Variants in ZNF33B observed in about 807,000 individuals in gnomAD.
ZNF33B encodes zinc finger protein 11b (KOX 2).
Under a neutral mutation model 45.8 loss-of-function variants are expected in ZNF33B, and 29 were observed. The ratio of observed to expected loss-of-function variants is 0.63; its 90% CI spans 0.47 to 0.86. The LOEUF is 0.86. ZNF33B is among the 40% of genes least tolerant of loss of function. The pLI is 0.00. For missense variants in ZNF33B, 831 were observed against 909.9 expected (o/e 0.91, Z 1.12); for synonymous variants, 305 against 307.8 (o/e 0.99, Z 0.10).
chr10:42,576,224 G>C lies in ZNF33B; in HGVS notation c.74-1546C>G, dbSNP rs767925404. Among the ~76,000 whole-genome samples, 87 of 151,158 alleles carry C rather than the reference G, an allele frequency of 5.8e-4. 1 individual carries two copies. Among genetic ancestry groups the C allele is most frequent in the East Asian group, 1.3e-3 (6 of 4,772 alleles). ...GGGTGGTCTCGAACTCCTGAGCTCA[G>C]GCGATCTGCCCGCCTCAGCCTCCCA... On this transcript the variant is annotated intron_variant, in intron 1 of 1. Coordinates refer to the ZNF33B transcript ENST00000462075.
chr10:42,587,911 C>T (rs1378708232), downstream of ZNF33B, among the ~76,000 whole-genome samples: 1 of 152,210 alleles, frequency 6.6e-6, no homozygotes, highest in African/African-American at 2.4e-5. Flanking sequence ...AGGCGCAGCA[C>T]AGGGTGCAGG....
Position 42,593,914 on chromosome 10 carries a change from G to A in ZNF33B, c.1036C>T (p.Arg346Ter), listed in dbSNP as rs768301433. ...KAFWEKSHLT[R>*]HQRVHTGEKH... ...TCTCCTGTGTGCACCCTCTGATGTCGAGTGAGATGTGACTTCTCCCAGAAA... is the reference window on the plus strand; with the variant it reads ...TCTCCTGTGTGCACCCTCTGATGTCAAGTGAGATGTGACTTCTCCCAGAAA... Residue 346 changes from arginine (R) to a stop codon, truncating the protein, a stop_gained, in exon 5 of 5, where the codon CGA (arginine) becomes TGA (stop). Coordinates refer to ENST00000359467, the MANE Select transcript of ZNF33B (RefSeq NM_006955.3). LOFTEE classifies it low-confidence loss of function (END_TRUNC). The A allele has an allele frequency of 3.7e-6, 6 of 1,613,736 alleles. No homozygotes were observed. The highest frequency in any genetic ancestry group is 1.1e-5 in the South Asian group (1 of 91,080).
At chr10:42,617,418 G>A (rs504191) in intron 4 of ZNF33B, among the ~76,000 whole-genome samples, 62,904 of 151,862 alleles carry the variant, frequency 0.41, 17,091 homozygotes, top group African/African-American at 0.78. Context: ...GGCAATTCTT[G>A]AATTGACATG....
Position 42,593,387 on chromosome 10 carries a change from C to A in ZNF33B, c.1563G>T (p.Gly521=), listed in dbSNP as rs1315379366. 1 of 1,613,706 alleles carries A rather than the reference C, an allele frequency of 6.2e-7. No individual in the cohort carries two copies. Residue 521 remains glycine (G), a synonymous_variant, in exon 5 of 5, where the codon GGG becomes GGT. Coordinates refer to ENST00000359467, the MANE Select transcript of ZNF33B (RefSeq NM_006955.3). ...ATTCATAACATTCATAAGGTTTCAACCCTGTATGAATTATCTGATGCCTGG... is the reference window on the plus strand; with the variant it reads ...ATTCATAACATTCATAAGGTTTCAAACCTGTATGAATTATCTGATGCCTGG... ...VLTRHQIIHT[G]LKPYECYECG...
chr10:42,604,693 A>T (rs147071797), intron 4 of ZNF33B, among the ~76,000 whole-genome samples: 6,161 of 152,118 alleles, frequency 0.041, 185 homozygotes, highest in Non-Finnish European at 0.057. Context: ...CAAGCAAATC[A>T]CCTGACGTCT....
At position 42,594,703 on chromosome 10, in the gene ZNF33B, C is replaced by A. The variant is rs1837322775; in HGVS notation, c.251-4G>T. The A allele has an allele frequency of 1.9e-6, 3 of 1,543,908 alleles. No homozygotes were observed. Among genetic ancestry groups the A allele is most frequent in the Admixed American group, 4.4e-5 (2 of 45,742 alleles). On this transcript the variant is annotated splice_polypyrimidine_tract_variant and splice_region_variant and intron_variant, in intron 4 of 4. Coordinates refer to ENST00000359467, the MANE Select transcript of ZNF33B (RefSeq NM_006955.3). ...AGGTGATCAGCTGTCCAGACTTCTA[C>A]AAACAAACAAAATTAATCTTACCAT...
intron 1 of ZNF33B, among the ~76,000 whole-genome samples, chr10:42,581,034 G>A (rs1288538621): frequency 1.3e-5 from 2 of 152,164 alleles, no homozygotes; most frequent in Non-Finnish European, 2.9e-5. Flanking sequence ...CTCTGTTGAA[G>A]AAAAGCCTAC....
chr10:42,609,112 A>C (rs1325983322), intron 4 of ZNF33B, among the ~76,000 whole-genome samples: 1 of 152,188 alleles, frequency 6.6e-6, no homozygotes, highest in African/African-American at 2.4e-5. Flanking sequence ...TTGAAGTTGT[A>C]AATTTAAAAC....
chr10:42,576,616 C>T (rs781099922), intron 1 of ZNF33B, among the ~76,000 whole-genome samples: 1 of 152,150 alleles, frequency 6.6e-6, no homozygotes, highest in Non-Finnish European at 1.5e-5. Flanking sequence ...ACTGTGCGCA[C>T]CCATCATCTG....
At chr10:42,602,530 T>C (rs1837672435) in intron 4 of ZNF33B, among the ~76,000 whole-genome samples, 1 of 152,212 alleles carries the variant, frequency 6.6e-6, no homozygotes, top group Admixed American at 6.5e-5. Flanking sequence ...AGAGTTTTAC[T>C]TGGTTGGATG....
Position 42,592,569 on chromosome 10 carries a change from C to A in ZNF33B, c.*44G>T. On this transcript the variant is annotated 3_prime_UTR_variant, in exon 5 of 5. Coordinates refer to ENST00000359467, the MANE Select transcript of ZNF33B (RefSeq NM_006955.3). ...TCTCCACAGTGTGAAGACTCTGAGG[C>A]ATTATGGAGGCTGACTTGTGGCTGG... 6.3e-7 allele frequency: 1 copy of A among 1,584,926 alleles called. No individual in the cohort carries two copies. Among genetic ancestry groups the A allele is most frequent in the South Asian group, 1.2e-5 (1 of 84,644 alleles).
At chr10:42,622,418 C>A (rs1399432196) in intron 4 of ZNF33B, among the ~76,000 whole-genome samples, 1 of 152,160 alleles carries the variant, frequency 6.6e-6, no homozygotes, top group East Asian at 1.9e-4. Context: ...GGACTCAAAA[C>A]GTCCAATTTC....
chr10:42,631,202 T>A (rs1326763133), intron 4 of ZNF33B, among the ~76,000 whole-genome samples: 3 of 152,098 alleles, frequency 2.0e-5, no homozygotes, highest in East Asian at 1.9e-4. Flanking sequence ...TGTTTTTTTT[T>A]TATATTTATT....
intron 1 of ZNF33B, among the ~76,000 whole-genome samples, chr10:42,578,334 C>A (rs1224514752): frequency 6.6e-6 from 1 of 152,226 alleles, no homozygotes; most frequent in Non-Finnish European, 1.5e-5. Context: ...CGGCACAGCA[C>A]TGGGGTATCT....
At chr10:42,589,099 T>A (rs1836997325), downstream of ZNF33B, 1 of 375,494 alleles carries the variant, frequency 2.7e-6, no homozygotes, top group African/African-American at 2.2e-5. Flanking sequence ...AAACAAGATG[T>A]TCCTCAGGGT....
rs906462430 is a variant in ZNF33B at position 42,591,328 on chromosome 10, T to C, written c.*1285A>G. On this transcript the variant is annotated 3_prime_UTR_variant, in exon 5 of 5. Transcript: ENST00000359467. ...CGCTGAAGGCTGGAGTGTTCACATA[T>C]GTACCCCAGGCAGTTCATGGCATGG... The C allele has an allele frequency of 8.7e-6, 6 of 693,000 alleles. No individual in the cohort carries two copies. The highest frequency in any genetic ancestry group is 8.9e-6 in the Non-Finnish European group (5 of 563,654). The allele number at this position is 693,000 out of a possible 1,614,324, so 42.9% of individuals were successfully genotyped here.
chr10:42,630,963 T>G (rs568274626), intron 4 of ZNF33B, among the ~76,000 whole-genome samples: 1 of 152,234 alleles, frequency 6.6e-6, no homozygotes, highest in African/African-American at 2.4e-5. Context: ...CACATTCCTG[T>G]CCAAGGCTAG....
chr10:42,593,471 T>G lies in ZNF33B; in HGVS notation c.1479A>C (p.Gly493=), dbSNP rs75611698. The G allele has an allele frequency of 0.011, 16,982 of 1,613,986 alleles. 785 individuals are homozygous for G. The highest frequency in any genetic ancestry group is 0.099 in the East Asian group (4,446 of 44,864). The change falls in exon 5 of 5, where the codon GGA becomes GGC. Residue 493 remains glycine (G), a synonymous_variant. Transcript: ENST00000359467. ...HLTQHQRTHI[G]DKPYECNACG... is the part of the protein sequence containing the mutation. ...ATGCATTACATTCATAAGGTTTATC[T>G]CCTATGTGAGTTCTCTGATGCTGTG...
rs1839334346 is a variant in ZNF33B, at chr10:42,636,979, T to C, written c.-44-7A>G. On this transcript the variant is annotated splice_polypyrimidine_tract_variant and splice_region_variant and intron_variant, in intron 1 of 4. Transcript: ENST00000359467. ...GACAACTCTGAAGATACAGCTGAGT[T>C]GGAAAAAGAGGAATGGGGTCATGAA... 2 of 1,613,382 alleles carry C rather than the reference T, an allele frequency of 1.2e-6. No individual in the cohort carries two copies. Among genetic ancestry groups the C allele is most frequent in the East Asian group, 2.2e-5 (1 of 44,874 alleles).
Sources: gnomAD v4.1 joint callset for allele counts (sites outside exome capture counted in the v4.1 genomes callset) on GRCh38, gnomAD v4.1.1 for gene constraint, MANE v1.5 for transcripts, NCBI Gene and HGNC (gene_info 2026-07-23, HGNC 2026-07-21) for gene names.